KCNK10: variants seen among roughly 807,000 people sequenced by gnomAD.
KCNK10 encodes the protein potassium channel subfamily K member 10.
In KCNK10, 25 loss-of-function variants were observed where a neutral mutation model predicts 47.7. The ratio of observed to expected loss-of-function variants is 0.52; its 90% confidence interval spans 0.38 to 0.73. The LOEUF is 0.73. KCNK10 is among the 30% of genes least tolerant of loss of function. KCNK10 has a pLI of 0.00. For missense variants in KCNK10, 563 were observed against 714.5 expected, an observed-to-expected ratio of 0.79 and a Z score of 2.42; for synonymous variants, 303 against 285.6, an observed-to-expected ratio of 1.06 and a Z score of -0.61.
chr14:88,288,029 G>A (rs777231307), intron 1 of KCNK10, among the ~76,000 whole-genome samples: 10 of 151,858 alleles, frequency 6.6e-5, no homozygotes, highest in Non-Finnish European at 1.2e-4. Context: ...TTTTATTATG[G>A]CCATTCTTGC....
At chr14:88,212,112 A>ATATG (rs1885478383) in intron 4 of KCNK10, among the ~76,000 whole-genome samples, 2 of 64,620 alleles carry the variant, frequency 3.1e-5, no homozygotes, top group South Asian at 9.3e-4. Flanking sequence ...TAGTGAGAAT[A>ATATG]TATATATATA....
At chr14:88,192,047 A>C (rs186185994) in intron 5 of KCNK10, among the ~76,000 whole-genome samples, 177 bp downstream of exon 5, 48 of 152,330 alleles carry the variant, frequency 3.2e-4, no homozygotes, top group African/African-American at 1.1e-3. Context: ...AAAAAAACCT[A>C]TGGTATTTAT....
At chr14:88,277,233 A>T (rs1887544782) in intron 1 of KCNK10, among the ~76,000 whole-genome samples, 1 of 152,064 alleles carries the variant, frequency 6.6e-6, no homozygotes, top group South Asian at 2.1e-4. Context: ...AAACATTTGG[A>T]TGGTTATTCC....
At chr14:88,297,463 A>T (rs1331727434) in intron 1 of KCNK10, among the ~76,000 whole-genome samples, 1 of 152,212 alleles carries the variant, frequency 6.6e-6, no homozygotes, top group African/African-American at 2.4e-5. Flanking sequence ...CCTATTGAGA[A>T]ACATCTGGCA....
At chr14:88,263,969 A>G (rs1887189379) in intron 1 of KCNK10, among the ~76,000 whole-genome samples, 2 of 152,180 alleles carry the variant, frequency 1.3e-5, no homozygotes, top group Admixed American at 6.5e-5. Flanking sequence ...AGGGATAACC[A>G]ACTACTCTAT....
chr14:88,201,149 G>T (rs928346794), intron 4 of KCNK10, among the ~76,000 whole-genome samples: 2 of 152,162 alleles, frequency 1.3e-5, no homozygotes, highest in African/African-American at 4.8e-5. Flanking sequence ...TCCATTGGAG[G>T]CCTCATGGCA....
intron 4 of KCNK10, among the ~76,000 whole-genome samples, chr14:88,225,185 A>G (rs921909797): frequency 6.6e-6 from 1 of 152,254 alleles, no homozygotes; most frequent in Non-Finnish European, 1.5e-5. Context: ...CTTTACATGC[A>G]GCAAGCAAAC....
intron 1 of KCNK10, among the ~76,000 whole-genome samples, chr14:88,264,881 T>C (rs996642950): frequency 3.9e-5 from 6 of 152,238 alleles, no homozygotes; most frequent in African/African-American, 1.4e-4. Flanking sequence ...CTTGCTCCTG[T>C]TGATGCCGAG....
chr14:88,276,425 G>A (rs1887529279), intron 1 of KCNK10, among the ~76,000 whole-genome samples: 1 of 152,134 alleles, frequency 6.6e-6, no homozygotes, highest in African/African-American at 2.4e-5. Flanking sequence ...TTGTGCAAAA[G>A]CTACTCAGTC....
chr14:88,236,749 T>C (rs1886312778), intron 3 of KCNK10, among the ~76,000 whole-genome samples: 1 of 152,264 alleles, frequency 6.6e-6, no homozygotes, highest in South Asian at 2.1e-4. Flanking sequence ...CTATTGAGTG[T>C]ACAATAGCAT....
At chr14:88,210,800 G>A (rs61975837) in intron 4 of KCNK10, among the ~76,000 whole-genome samples, 29,321 of 149,504 alleles carry the variant, frequency 0.2, 3,215 homozygotes, top group East Asian at 0.42. Context: ...TTTACCAAAC[G>A]CTGTCATTTG....
intron 2 of KCNK10, among the ~76,000 whole-genome samples, chr14:88,250,077 C>T (rs1886752052): frequency 6.6e-6 from 1 of 152,170 alleles, no homozygotes; most frequent in South Asian, 2.1e-4. Flanking sequence ...AATGCAGTCA[C>T]AGGAGCATTC....
intron 1 of KCNK10, among the ~76,000 whole-genome samples, chr14:88,271,740 A>T (rs2139763394): frequency 1.3e-5 from 2 of 152,218 alleles, no homozygotes; most frequent in Middle Eastern, 3.4e-3. Flanking sequence ...GCCAAACTGC[A>T]TAAACTGTGA....
intron 1 of KCNK10, among the ~76,000 whole-genome samples, chr14:88,274,766 A>G (rs931486217): frequency 6.6e-6 from 1 of 152,062 alleles, no homozygotes; most frequent in Non-Finnish European, 1.5e-5. Context: ...TACAAACTTG[A>G]TGTGTCATTC....
At chr14:88,197,886 G>C (rs1884972970) in intron 4 of KCNK10, among the ~76,000 whole-genome samples, 1 of 151,388 alleles carries the variant, frequency 6.6e-6, no homozygotes, top group Non-Finnish European at 1.5e-5. Context: ...GAGAGAGAGA[G>C]AGAGAGAGAA....
chr14:88,229,212 C>T (rs1211791103), intron 3 of KCNK10, among the ~76,000 whole-genome samples: 1 of 152,176 alleles, frequency 6.6e-6, no homozygotes, highest in Non-Finnish European at 1.5e-5. Flanking sequence ...ACAGGCATCT[C>T]ATTAATCCTG....
intron 4 of KCNK10, among the ~76,000 whole-genome samples, chr14:88,192,739 G>C (rs904730149): frequency 1.3e-5 from 2 of 152,108 alleles, no homozygotes; most frequent in Non-Finnish European, 2.9e-5. Flanking sequence ...ACTTCTCACT[G>C]GTGCAAATAT....
At chr14:88,261,870 A>G (rs1887122378) in intron 2 of KCNK10, among the ~76,000 whole-genome samples, 1 of 152,118 alleles carries the variant, frequency 6.6e-6, no homozygotes, top group African/African-American at 2.4e-5. Context: ...TTTTTTTGAG[A>G]AGAATTATAG....
At chr14:88,241,946 C>A (rs1443651370) in intron 2 of KCNK10, among the ~76,000 whole-genome samples, 1 of 150,960 alleles carries the variant, frequency 6.6e-6, no homozygotes, top group South Asian at 2.2e-4. Flanking sequence ...AAAGGTAGGA[C>A]GTGCTGTCAT....
Sources: gnomAD v4.1 joint callset for allele counts (sites outside exome capture counted in the v4.1 genomes callset) on GRCh38, gnomAD v4.1.1 for gene constraint, MANE v1.5 for transcripts, NCBI Gene and HGNC (gene_info 2026-07-23, HGNC 2026-07-21) for gene names.